The following VPS4A variants were observed in gnomAD, a reference collection of about 807,000 sequenced individuals.
VPS4A encodes the protein vacuolar protein sorting 4 homolog A, also known as vacuolar protein sorting-associated protein 4A.
VPS4A carries 20 observed loss-of-function variants against 52.3 expected under a neutral mutation model. That is an observed-to-expected ratio of 0.38 (90% confidence interval 0.27 to 0.56). The LOEUF (loss-of-function observed/expected upper bound fraction) is 0.56, where lower values mean the gene tolerates loss of function less well. Among genes scored for constraint, VPS4A ranks in the 20% least tolerant of loss-of-function variants. The pLI, the probability that VPS4A is intolerant of heterozygous loss-of-function variation, is 0.72. For missense variants in VPS4A, 419 were observed against 575.9 expected, an observed-to-expected ratio of 0.73 and a Z score of 2.79; for synonymous variants, 293 against 227.7, an observed-to-expected ratio of 1.29 and a Z score of -2.58.
chr16:69,318,023 T>A (rs1415097210), intron 3 of VPS4A, among the ~76,000 whole-genome samples: 1 of 94,890 alleles, frequency 1.1e-5, no homozygotes, highest in Admixed American at 1.1e-4. Flanking sequence ...TTTTTTTTTT[T>A]CCCCCAGACA....
rs1463301230 is a variant in VPS4A, at chr16:69,319,391, G to A, written c.468G>A (p.Lys156=). ...TTCTGTGGTTCTCTGTTGCAGGCAA[G>A]CGCACCCCCTGGCGGGGGATTCTGC... is the stretch of plus-strand genomic sequence containing the variant. ...PIKFPHLFTG[K]RTPWRGILLF... The change falls in exon 6 of 11, where the codon AAG becomes AAA. Residue 156 remains lysine (K), a synonymous_variant. Transcript: ENST00000254950. 8.7e-6 allele frequency: 14 copies of A among 1,613,698 alleles called. No homozygotes were observed. In the East Asian group the frequency reaches 2.9e-4, roughly 33 times the overall value.
In VPS4A at chr16:69,321,337, C is replaced by G; in HGVS notation, c.1071+67C>G. 1 of 1,440,382 alleles carries G rather than the reference C, an allele frequency of 6.9e-7. No individual in the cohort carries two copies. The highest frequency in any genetic ancestry group is 9.4e-7 in the Non-Finnish European group (1 of 1,061,486). 89.2% of individuals were successfully genotyped at this position (1,440,382 alleles called of 1,614,324 possible). On this transcript the variant is annotated intron_variant, in intron 9 of 10. Coordinates refer to ENST00000254950, the MANE Select transcript of VPS4A (RefSeq NM_013245.3). This position sits in a 1 kb window ranked among gnomAD's most constrained non-coding sequence, Gnocchi z 4.5. Reference sequence around the variant, plus strand: ...GAGCGGGATGTTCGGTTTTTTTTTTCCCAGCTCCTGGTCCTGCTCCCCGGC... The same window carrying G: ...GAGCGGGATGTTCGGTTTTTTTTTTGCCAGCTCCTGGTCCTGCTCCCCGGC...
rs756359605 is a variant in VPS4A at position 69,324,507 on chromosome 16, CA to C, written c.*199del. On this transcript the variant is annotated 3_prime_UTR_variant, in exon 11 of 11. Coordinates refer to ENST00000254950, the MANE Select transcript of VPS4A (RefSeq NM_013245.3). ...AGACACTCCACTGCCCTGGGGCACA[CA>C]GTGGACACTGCTCTTCCTACTTCCT... is the stretch of plus-strand genomic sequence containing the variant. The C allele has an allele frequency of 2.5e-4, 151 of 597,042 alleles. No individual in the cohort carries two copies. Among genetic ancestry groups the C allele is most frequent in the Middle Eastern group, 9.0e-4 (2 of 2,234 alleles). The allele number at this position is 597,042 out of a possible 1,614,324, so 37.0% of individuals were successfully genotyped here.
intron 5 of VPS4A, 35 bp from the exon 6 acceptor site, chr16:69,319,352 T>C (rs769057263): frequency 1.2e-6 from 2 of 1,610,978 alleles, no homozygotes; most frequent in Non-Finnish European, 1.7e-6. Flanking sequence ...CTTTCCCCAG[T>C]CAGGAGGCCT....
At position 69,324,333 on chromosome 16, in the gene VPS4A, T is replaced by C; in HGVS notation, c.*24T>C. The C allele has an allele frequency of 6.2e-7, 1 of 1,610,202 alleles. No individual in the cohort carries two copies. ...AAAAGCTGCTTCACTTGGGCAATGG[T>C]GAAGGTGGGAGGTTGATTGGGGCAA... is the stretch of plus-strand genomic sequence containing the variant. On this transcript the variant is annotated 3_prime_UTR_variant, in exon 11 of 11. Coordinates refer to ENST00000254950, the MANE Select transcript of VPS4A (RefSeq NM_013245.3).
intron 5 of VPS4A, 123 bp downstream of exon 5, chr16:69,319,065 G>A (rs1019854002): frequency 1.4e-6 from 2 of 1,396,458 alleles, no homozygotes; most frequent in Non-Finnish European, 1.9e-6. Context: ...GCCAGGCCTG[G>A]CTGCTCGCTG....
chr16:69,314,984 C>T (rs1434574042), intron 1 of VPS4A, among the ~76,000 whole-genome samples: 2 of 152,002 alleles, frequency 1.3e-5, no homozygotes, highest in South Asian at 4.2e-4. Flanking sequence ...TCTGTAATCC[C>T]AGCACTTTGG....
chr16:69,323,073 T>TA (rs1965534405), intron 10 of VPS4A: 2 of 163,244 alleles, frequency 1.2e-5, no homozygotes, highest in East Asian at 1.8e-4. Context: ...GTCTCAAAAA[T>TA]AAAAAATAGT....
At chr16:69,319,570 G>A in intron 6 of VPS4A, 27 bp downstream of exon 6, 1 of 1,599,438 alleles carries the variant, frequency 6.3e-7, no homozygotes, top group Non-Finnish European at 8.5e-7. Flanking sequence ...GCCATGCTCT[G>A]CCAGCAGCCC....
rs1351401326 is a variant in VPS4A at position 69,320,959 on chromosome 16, G to A, written c.852-92G>A. On this transcript the variant is annotated intron_variant, in intron 8 of 10. Transcript: ENST00000254950. The surrounding 1 kb of genome is among the most constrained non-coding windows in gnomAD (Gnocchi z 4.2). The stretch of plus-strand genomic sequence containing the variant: ...CGCCAGCATCACTGGCCCATGAAAT[G>A]CGTCCGTTTCACTCAAATCTTCGTG... 1.5e-6 allele frequency: 2 copies of A among 1,361,410 alleles called. No individual in the cohort carries two copies. The highest frequency in any genetic ancestry group is 1.0e-6 in the Non-Finnish European group (1 of 982,500). 84.3% of individuals were successfully genotyped at this position (1,361,410 alleles called of 1,614,324 possible). A position where few individuals can be genotyped will look rare whatever the true frequency, so the allele number is the denominator to read the frequency against.
chr16:69,318,781 C>T, intron 4 of VPS4A, 42 bp from the exon 5 acceptor site: 4 of 1,612,164 alleles, frequency 2.5e-6, no homozygotes, highest in Non-Finnish European at 3.4e-6. Flanking sequence ...TGGCTCATGC[C>T]CCTTGGCCGG....
At position 69,311,473 on chromosome 16, in the gene VPS4A, A is replaced by T; in HGVS notation, c.-39A>T. ...TCCCCGGGGCCGGACCGAGGCCGCA[A>T]GCAGCGCCGCGGGGTGTGGGGCGGA... On this transcript the variant is annotated 5_prime_UTR_variant, in exon 1 of 11. It adds an upstream start codon to the 5' untranslated region. Transcript: ENST00000254950. 1 of 1,298,774 alleles carries T rather than the reference A, an allele frequency of 7.7e-7. No homozygotes were observed. Among genetic ancestry groups the T allele is most frequent in the Non-Finnish European group, 9.9e-7 (1 of 1,012,434 alleles). 80.5% of individuals were successfully genotyped at this position (1,298,774 alleles called of 1,614,324 possible).
chr16:69,321,540 CTG>C lies in VPS4A; in HGVS notation c.1071+275_1071+276del. 2.0e-6 allele frequency: 1 copy of C among 500,532 alleles called. No homozygotes were observed. Among genetic ancestry groups the C allele is most frequent in the Non-Finnish European group, 3.6e-6 (1 of 275,228 alleles). The allele number at this position is 500,532 out of a possible 1,614,324, so 31.0% of individuals were successfully genotyped here. ...CCTGCTGCGGCCTCCTCCGTCAGCACTGTGTGCTCTTGTGCGGGGTGGACACC... is the reference window on the plus strand; with the variant it reads ...CCTGCTGCGGCCTCCTCCGTCAGCACTGTGCTCTTGTGCGGGGTGGACACC... On this transcript the variant is annotated intron_variant, in intron 9 of 10. Transcript: ENST00000254950. The surrounding 1 kb of genome is among the most constrained non-coding windows in gnomAD (Gnocchi z 4.5).
Position 69,324,557 on chromosome 16 carries a change from CCTT to C in VPS4A, c.*251_*253del. On this transcript the variant is annotated 3_prime_UTR_variant, in exon 11 of 11. Transcript: ENST00000254950. ...CTCCTCTCCTGGATGCTCATCAGCT[CCTT>C]CTGCCTCCCCCCCTTTTTTTTCCAT... 1 of 471,116 alleles carries C rather than the reference CCTT, an allele frequency of 2.1e-6. No individual in the cohort carries two copies. The highest frequency in any genetic ancestry group is 3.2e-5 in the Admixed American group (1 of 30,824). 29.2% of individuals were successfully genotyped at this position (471,116 alleles called of 1,614,324 possible).
Position 69,320,517 on chromosome 16 carries a change from G to A in VPS4A, c.770-171G>A. 1 of 804,150 alleles carries A rather than the reference G, an allele frequency of 1.2e-6. No homozygotes were observed. The highest frequency in any genetic ancestry group is 1.8e-5 in the South Asian group (1 of 54,996). 49.8% of individuals were successfully genotyped at this position (804,150 alleles called of 1,614,324 possible). ...GCAGGCAGTGCCATAGGTCTCACCTGGCACAGCCAGACCAAGATGTGGTTT... is the reference window on the plus strand; with the variant it reads ...GCAGGCAGTGCCATAGGTCTCACCTAGCACAGCCAGACCAAGATGTGGTTT... On this transcript the variant is annotated intron_variant, in intron 7 of 10. Transcript: ENST00000254950. The surrounding 1 kb of genome is among the most constrained non-coding windows in gnomAD (Gnocchi z 4.2).
chr16:69,326,385 C>T lies in VPS4A; in HGVS notation c.*2076C>T, dbSNP rs1421113151. The T allele has an allele frequency of 6.6e-6, 1 of 152,232 alleles. No individual in the cohort carries two copies. The highest frequency in any genetic ancestry group is 2.4e-5 in the African/African-American group (1 of 41,452). The allele number at this position is 152,232 out of a possible 1,614,324, so 9.4% of individuals were successfully genotyped here. ...GTGTAAGTTCTTGGTTATGTGCCCT[C>T]AGCCACCAGGATATGAACCGTGTCT... On this transcript the variant is annotated 3_prime_UTR_variant, in exon 11 of 11. Transcript: ENST00000254950.
chr16:69,323,223 G>C lies in VPS4A; in HGVS notation c.1212+523G>C, dbSNP rs570263106. The C allele has an allele frequency of 2.3e-5, 4 of 175,780 alleles. No homozygotes were observed. The East Asian group carries it at 6.7e-4, about 29-fold the overall frequency. The allele number at this position is 175,780 out of a possible 1,614,324, so 10.9% of individuals were successfully genotyped here. A position where few individuals can be genotyped will look rare whatever the true frequency, so the allele number is the denominator to read the frequency against. ...GAAAGGCTAGATGCAGTGGTGCAGT[G>C]ATAGCTCACTGCAGGCTTGACCTCA... On this transcript the variant is annotated intron_variant, in intron 10 of 10. Transcript: ENST00000254950.
chr16:69,318,025 C>G (rs1469387358), intron 3 of VPS4A, among the ~76,000 whole-genome samples: 1 of 144,428 alleles, frequency 6.9e-6, no homozygotes, highest in Non-Finnish European at 1.5e-5. Flanking sequence ...TTTTTTTTTC[C>G]CCCAGACAGG....
In VPS4A at chr16:69,322,626, G is replaced by A. The variant is rs760608398; in HGVS notation, c.1138G>A (p.Gly380Arg). The A allele has an allele frequency of 1.7e-5, 27 of 1,613,760 alleles. No individual in the cohort carries two copies. Among genetic ancestry groups the A allele is most frequent in the Non-Finnish European group, 2.1e-5 (25 of 1,179,844 alleles). ...TGACCTCCTGACTCCATGCTCACCA[G>A]GGGACCCAGGAGCCATGGAGATGAC... ...IDDLLTPCSP[G>R]DPGAMEMTWM... Residue 380 changes from glycine to arginine, a missense_variant, in exon 10 of 11, where the codon GGG becomes AGG. Gly to Arg is a moderately radical substitution (Grantham distance 125). This residue lies in a region of VPS4A where 185 missense variants were observed against 200.2 expected (regional missense o/e 0.92). Coordinates refer to ENST00000254950, the MANE Select transcript of VPS4A (RefSeq NM_013245.3).
Sources: allele counts gnomAD v4.1 joint callset (sites outside exome capture counted in the v4.1 genomes callset), GRCh38; gene constraint gnomAD v4.1.1; regional missense constraint gnomAD v4.1.1; non-coding constraint Gnocchi (gnomAD v3.1); transcripts MANE v1.5; gene names NCBI Gene and HGNC (gene_info 2026-07-23, HGNC 2026-07-21).